The following NFATC3 variants were observed in gnomAD, a reference collection of about 807,000 sequenced individuals.
NFATC3 encodes the protein nuclear factor of activated T cells 3, also known as nuclear factor of activated T-cells, cytoplasmic 3.
Under a neutral mutation model 98.6 loss-of-function variants are expected in NFATC3, and 46 were observed. The ratio of observed to expected loss-of-function variants is 0.47; its 90% CI spans 0.37 to 0.60. The LOEUF (loss-of-function observed/expected upper bound fraction) is 0.60, where lower values mean the gene tolerates loss of function less well. Ranked by LOEUF, NFATC3 falls within the 20% of genes least tolerant of loss-of-function variation. The pLI, the probability that NFATC3 is intolerant of heterozygous loss-of-function variation, is 0.00. For synonymous variants in NFATC3, 512 were observed against 472.2 expected, an observed-to-expected ratio of 1.08 and a Z score of -1.09; for missense variants, 1,256 against 1,295.5, an observed-to-expected ratio of 0.97 and a Z score of 0.47.
chr16:68,162,515 G>C (rs1407047621), intron 4 of NFATC3, among the ~76,000 whole-genome samples: 1 of 151,904 alleles, frequency 6.6e-6, no homozygotes, highest in South Asian at 2.1e-4. Flanking sequence ...AGGCAATAAG[G>C]TGTGGAAAAA....
intron 8 of NFATC3, among the ~76,000 whole-genome samples, chr16:68,185,486 A>G (rs929084335): frequency 6.6e-6 from 1 of 152,180 alleles, no homozygotes; most frequent in Non-Finnish European, 1.5e-5. Flanking sequence ...TGAATGAGAA[A>G]GAAGAGGGCT....
chr16:68,165,443 C>T (rs2039147615), intron 4 of NFATC3, among the ~76,000 whole-genome samples: 1 of 139,326 alleles, frequency 7.2e-6, no homozygotes, highest in African/African-American at 2.7e-5. Flanking sequence ...GTTGCCCAGG[C>T]TGGAGTGCAG....
chr16:68,224,419 G>A (rs541429953), intron 9 of NFATC3, among the ~76,000 whole-genome samples: 5 of 150,068 alleles, frequency 3.3e-5, no homozygotes, highest in South Asian at 2.1e-4. Context: ...TGGGATTACC[G>A]TTGCCTGCCA....
chr16:68,163,273 G>A (rs559489942), intron 4 of NFATC3, among the ~76,000 whole-genome samples: 7,440 of 151,820 alleles, frequency 0.049, 525 homozygotes, highest in African/African-American at 0.16. Context: ...AGACGGGGTG[G>A]TGGCCGGGCA....
At chr16:68,085,835 A>C (rs9933080) in intron 1 of NFATC3, 51 bp downstream of exon 1, 1 of 1,315,346 alleles carries the variant, frequency 7.6e-7, no homozygotes, top group Non-Finnish European at 9.9e-7. Flanking sequence ...TCTCGCTCGC[A>C]GGATCTCTCG....
intron 3 of NFATC3, among the ~76,000 whole-genome samples, chr16:68,155,486 C>T (rs534668888): frequency 6.6e-6 from 1 of 152,266 alleles, no homozygotes; most frequent in South Asian, 2.1e-4. Flanking sequence ...TAGAGAACTC[C>T]TCATAGATTA....
intron 3 of NFATC3, among the ~76,000 whole-genome samples, chr16:68,135,605 CTGTT>C (rs1269763979): frequency 6.6e-6 from 1 of 151,574 alleles, no homozygotes; most frequent in Non-Finnish European, 1.5e-5. Flanking sequence ...GAAGAACTGT[CTGTT>C]TAATTAAAGC....
intron 1 of NFATC3, among the ~76,000 whole-genome samples, chr16:68,103,499 T>A (rs2151466607): frequency 6.6e-6 from 1 of 152,346 alleles, no homozygotes; most frequent in South Asian, 2.1e-4. Context: ...CATGAGCCAC[T>A]GGGCTTGGCC....
intron 4 of NFATC3, among the ~76,000 whole-genome samples, chr16:68,162,430 A>G (rs950900198): frequency 6.6e-6 from 1 of 152,192 alleles, no homozygotes; most frequent in African/African-American, 2.4e-5. Flanking sequence ...CAGGTGATAG[A>G]TAAGACCATG....
Position 68,158,035 on chromosome 16 carries a change from T to C in NFATC3, c.1568T>C (p.Ile523Thr). The change falls in exon 4 of 10, where the codon ATT becomes ACT. Residue 523 changes from isoleucine to threonine, a missense_variant. Ile to Thr is a moderately conservative substitution (Grantham distance 89, BLOSUM62 -1). Coordinates refer to ENST00000346183, the MANE Select transcript of NFATC3 (RefSeq NM_173165.3). ...ATTGCCAGTACAAAAGTTCTGGAAA[T>C]TCCACTTCTTCCTGAAAATAATATG... is the stretch of plus-strand genomic sequence containing the variant. ...IIIASTKVLE[I>T]PLLPENNMSA... is the part of the protein sequence containing the mutation. 1 of 1,613,104 alleles carries C rather than the reference T, an allele frequency of 6.2e-7. No homozygotes were observed. Among genetic ancestry groups the C allele is most frequent in the Middle Eastern group, 1.6e-4 (1 of 6,062 alleles).
At chr16:68,163,767 C>T (rs1194369070) in intron 4 of NFATC3, among the ~76,000 whole-genome samples, 1,770 of 73,074 alleles carry the variant, frequency 0.024, no homozygotes, top group Middle Eastern at 0.062. Flanking sequence ...CCAGACGGGG[C>T]GGTGGGGCAG....
intron 9 of NFATC3, chr16:68,217,792 G>A (rs980602527): frequency 5.7e-6 from 7 of 1,231,486 alleles, no homozygotes; most frequent in Non-Finnish European, 7.1e-6. Context: ...GGAAGAAGGA[G>A]GCCAAGCAAG....
At chr16:68,121,242 C>CTTTTTTT (rs753615194) in intron 1 of NFATC3, among the ~76,000 whole-genome samples, 48 of 102,346 alleles carry the variant, frequency 4.7e-4, no homozygotes, top group East Asian at 1.2e-3. Context: ...CTTTTCTTTT[C>CTTTTTTT]TTTTTTTTTT....
Position 68,122,898 on chromosome 16 carries a change from A to C in NFATC3, c.1015A>C (p.Lys339Gln), listed in dbSNP as rs767775133. 6.2e-7 allele frequency: 1 copy of C among 1,614,232 alleles called. No homozygotes were observed. Reference sequence around the variant, plus strand: ...CTGTGTAGAGACTGACATCCCTCTCAAAACAAGGAAAACTTCTGAAGATCA... The same window carrying C: ...CTGTGTAGAGACTGACATCCCTCTCCAAACAAGGAAAACTTCTGAAGATCA... ...QYCVETDIPLKTRKTSEDQAA... is the reference protein window; with the variant it reads ...QYCVETDIPLQTRKTSEDQAA... The change falls in exon 2 of 10, where the codon AAA (lysine) becomes CAA (glutamine). Residue 339 changes from lysine (K) to glutamine (Q), a missense_variant. Around this residue, in one of 3 missense-constraint regions of NFATC3, gnomAD observed 464 missense variants for 465.7 expected, o/e 1.00. Coordinates refer to ENST00000346183, the MANE Select transcript of NFATC3 (RefSeq NM_173165.3).
intron 1 of NFATC3, 54 bp downstream of exon 1, chr16:68,085,838 A>G (rs2034336295): frequency 7.7e-7 from 1 of 1,296,180 alleles, no homozygotes; most frequent in Admixed American, 3.8e-5. Flanking sequence ...CGCTCGCAGG[A>G]TCTCTCGCTC....
intron 1 of NFATC3, among the ~76,000 whole-genome samples, chr16:68,120,724 C>G (rs778544002): frequency 3.4e-4 from 51 of 150,876 alleles, no homozygotes; most frequent in Non-Finnish European, 6.2e-4. Context: ...CAGAGCAAGA[C>G]TCCATCTCAA....
chr16:68,136,236 A>G (rs920431185), intron 3 of NFATC3, among the ~76,000 whole-genome samples: 1 of 151,998 alleles, frequency 6.6e-6, no homozygotes, highest in East Asian at 1.9e-4. Context: ...AGTGTTTTGT[A>G]GTTTACAAAA....
rs868509411 is a variant in NFATC3, at chr16:68,121,871, C to T, written c.104-116C>T. The T allele has an allele frequency of 3.9e-5, 48 of 1,232,218 alleles. No individual in the cohort carries two copies. In the African/African-American group the frequency reaches 5.9e-4, roughly 15 times the overall value. The allele number at this position is 1,232,218 out of a possible 1,614,324, so 76.3% of individuals were successfully genotyped here. On this transcript the variant is annotated intron_variant, in intron 1 of 9. Transcript: ENST00000346183. ...GAGCTAATGACATACATTTTATATC[C>T]CACTTTTTTCTCTCGAGATTGTTAT...
intron 3 of NFATC3, among the ~76,000 whole-genome samples, chr16:68,133,231 C>G (rs2037208216): frequency 6.6e-6 from 1 of 152,190 alleles, no homozygotes. Flanking sequence ...CGCCACTGCA[C>G]TCCAGCCTGG....
Sources: gnomAD v4.1 joint callset for allele counts (sites outside exome capture counted in the v4.1 genomes callset) on GRCh38, gnomAD v4.1.1 for gene constraint, gnomAD v4.1.1 regional missense constraint, MANE v1.5 for transcripts, NCBI Gene and HGNC (gene_info 2026-07-23, HGNC 2026-07-21) for gene names.